The following CLVS1 variants were observed in gnomAD, a reference collection of about 807,000 sequenced individuals.
CLVS1 encodes clavesin 1, also known as clavesin-1.
In CLVS1, 10 loss-of-function variants were observed where a neutral mutation model predicts 33.1. The ratio of observed to expected loss-of-function variants is 0.30; its 90% confidence interval spans 0.19 to 0.51. The LOEUF is 0.51. CLVS1 is among the 20% of genes least tolerant of loss of function. CLVS1 has a pLI of 0.97. For synonymous variants in CLVS1, 163 were observed against 166.1 expected, an observed-to-expected ratio of 0.98 and a Z score of 0.14; for missense variants, 343 against 433.4, an observed-to-expected ratio of 0.79 and a Z score of 1.85.
intron 3 of CLVS1, among the ~76,000 whole-genome samples, chr8:61,416,388 A>T (rs1278381664): frequency 1.3e-5 from 2 of 152,140 alleles, no homozygotes; most frequent in African/African-American, 2.4e-5. Context: ...CTAGAACAAT[A>T]GGTGGGGAAA....
intron 2 of CLVS1, among the ~76,000 whole-genome samples, chr8:61,141,188 A>T (rs1222936467): frequency 6.6e-6 from 1 of 152,146 alleles, no homozygotes; most frequent in Non-Finnish European, 1.5e-5. Context: ...CCTCCATATT[A>T]ACTTCCCTTT....
chr8:61,115,749 C>T (rs1805709179), intron 1 of CLVS1, among the ~76,000 whole-genome samples: 1 of 147,966 alleles, frequency 6.8e-6, no homozygotes, highest in Non-Finnish European at 1.5e-5. Context: ...GTATATGTGC[C>T]ACATTTTCTT....
intron 2 of CLVS1, among the ~76,000 whole-genome samples, chr8:61,332,490 T>C (rs1811635366): frequency 6.6e-6 from 1 of 152,228 alleles, no homozygotes; most frequent in Admixed American, 6.5e-5. Context: ...AGTGACTATT[T>C]GTCTATCAGC....
At chr8:61,077,222 T>C (rs1028098901) in intron 1 of CLVS1, among the ~76,000 whole-genome samples, 27 of 149,756 alleles carry the variant, frequency 1.8e-4, no homozygotes, top group African/African-American at 3.9e-4. Flanking sequence ...TACAGGCGCC[T>C]GCCACCACAC....
At chr8:61,450,060 C>T (rs1310087985) in intron 3 of CLVS1, among the ~76,000 whole-genome samples, 2 of 152,196 alleles carry the variant, frequency 1.3e-5, no homozygotes, top group East Asian at 3.8e-4. Flanking sequence ...CTCAAGAGGA[C>T]ACCTTTTTGC....
At chr8:61,120,630 C>T (rs1805837928) in intron 1 of CLVS1, among the ~76,000 whole-genome samples, 1 of 128,792 alleles carries the variant, frequency 7.8e-6, no homozygotes, top group Non-Finnish European at 1.6e-5. Flanking sequence ...GAATACCCTG[C>T]CGTGTGAGGT....
the CLVS1 span, among the ~76,000 whole-genome samples, chr8:61,021,414 G>C: frequency 6.6e-6 from 1 of 152,092 alleles, no homozygotes; most frequent in African/African-American, 2.4e-5. Context: ...GCAATGGCGC[G>C]ATCTCAGTTT....
At chr8:61,017,753 G>T in the CLVS1 span, among the ~76,000 whole-genome samples, 15 of 152,164 alleles carry the variant, frequency 9.9e-5, no homozygotes, top group Non-Finnish European at 1.8e-4. Context: ...TGTGAGAGAG[G>T]GTGAGGAACC....
At chr8:61,225,720 A>AT (rs1330374986) in intron 2 of CLVS1, among the ~76,000 whole-genome samples, 17 of 152,254 alleles carry the variant, frequency 1.1e-4, no homozygotes, top group Non-Finnish European at 1.0e-4. Context: ...AATGCATTCT[A>AT]TAAGCCAGCA....
At chr8:61,462,236 C>T (rs1817393338) in intron 5 of CLVS1, among the ~76,000 whole-genome samples, 1 of 152,164 alleles carries the variant, frequency 6.6e-6, no homozygotes, top group Admixed American at 6.5e-5. Flanking sequence ...TGACCTCCTC[C>T]CATGAATCTT....
At chr8:61,081,869 C>T (rs549706878) in intron 1 of CLVS1, among the ~76,000 whole-genome samples, 1 of 152,316 alleles carries the variant, frequency 6.6e-6, no homozygotes, top group South Asian at 2.1e-4. Flanking sequence ...CTATGAGAAC[C>T]AGTATTGGGT....
chr8:61,204,705 C>G (rs1431891201), intron 2 of CLVS1, among the ~76,000 whole-genome samples: 1 of 152,196 alleles, frequency 6.6e-6, no homozygotes, highest in Admixed American at 6.5e-5. Flanking sequence ...GCAGATTACA[C>G]TATAAATGGG....
At chr8:61,167,272 G>A (rs770413522) in intron 2 of CLVS1, among the ~76,000 whole-genome samples, 24 of 148,682 alleles carry the variant, frequency 1.6e-4, no homozygotes, top group Non-Finnish European at 2.8e-4. Flanking sequence ...TCTGCTCACC[G>A]CAACCTTCGC....
chr8:60,979,898 A>G, the CLVS1 span, among the ~76,000 whole-genome samples: 5 of 152,206 alleles, frequency 3.3e-5, no homozygotes, highest in African/African-American at 1.2e-4. Flanking sequence ...GCACTTTACT[A>G]TAGGGATTTT....
intron 3 of CLVS1, among the ~76,000 whole-genome samples, chr8:61,420,264 A>T (rs1227318695): frequency 6.6e-6 from 1 of 152,206 alleles, no homozygotes; most frequent in Non-Finnish European, 1.5e-5. Context: ...ACGGTCTGAC[A>T]TATGGTAAAT....
the CLVS1 span, among the ~76,000 whole-genome samples, chr8:61,011,319 C>T: frequency 4.6e-5 from 7 of 152,300 alleles, no homozygotes; most frequent in South Asian, 1.4e-3. Flanking sequence ...ATAGTTAACT[C>T]TGTGGTACTC....
chr8:61,303,428 C>T (rs766094368), intron 2 of CLVS1, among the ~76,000 whole-genome samples: 7 of 152,146 alleles, frequency 4.6e-5, no homozygotes, highest in Non-Finnish European at 7.3e-5. Context: ...TCTAATGGCT[C>T]ATGAATGTGA....
chr8:61,462,167 A>G (rs1314778595), intron 5 of CLVS1, among the ~76,000 whole-genome samples: 1 of 152,210 alleles, frequency 6.6e-6, no homozygotes, highest in African/African-American at 2.4e-5. Flanking sequence ...GAAAAGGAGG[A>G]GTAACATTCA....
chr8:61,442,370 CT>C (rs1163657283), intron 3 of CLVS1, among the ~76,000 whole-genome samples: 1 of 152,160 alleles, frequency 6.6e-6, no homozygotes, highest in Non-Finnish European at 1.5e-5. Flanking sequence ...GTTGTTTCCA[CT>C]TTTTATTACA....
Sources: allele counts gnomAD v4.1 joint callset (sites outside exome capture counted in the v4.1 genomes callset), GRCh38; gene constraint gnomAD v4.1.1; transcripts MANE v1.5; gene names NCBI Gene and HGNC (gene_info 2026-07-23, HGNC 2026-07-21).